Variants in ATG16L1 observed in about 807,000 individuals in gnomAD.
The protein encoded by ATG16L1 is autophagy-related protein 16-1.
In ATG16L1, 37 loss-of-function variants were observed where a neutral mutation model predicts 88.5. The ratio of observed to expected loss-of-function variants is 0.42; its 90% CI spans 0.32 to 0.55. The LOEUF is 0.55. ATG16L1 is among the 20% of genes least tolerant of loss of function. The probability of loss-of-function intolerance (pLI) is 0.13; values close to 1 mark genes in which losing one functional copy is unlikely to be tolerated. For synonymous variants in ATG16L1, 301 were observed against 281.0 expected (o/e 1.07, Z -0.71); for missense variants, 554 against 752.8 (o/e 0.74, Z 3.09).
intron 14 of ATG16L1, 97 bp from the exon 15 acceptor site, chr2:233,292,031 A>C: frequency 7.1e-7 from 1 of 1,418,432 alleles, no homozygotes; most frequent in Non-Finnish European, 9.6e-7. Context: ...AGAGCGTTGC[A>C]TGCTAGTTGA....
chr2:233,292,715 C>T (rs113223847), intron 16 of ATG16L1, among the ~76,000 whole-genome samples: 7 of 152,364 alleles, frequency 4.6e-5, no homozygotes, highest in South Asian at 4.1e-4. Flanking sequence ...CACTCATTCA[C>T]GCAAGAGCTG....
chr2:233,292,005 C>T, intron 14 of ATG16L1, 123 bp from the exon 15 acceptor site: 1 of 1,149,746 alleles, frequency 8.7e-7, no homozygotes, highest in East Asian at 2.4e-5. Context: ...ACTGGGAACA[C>T]ATTGACTGCG....
intron 14 of ATG16L1, among the ~76,000 whole-genome samples, chr2:233,290,815 G>A (rs6754677): frequency 0.53 from 81,091 of 151,958 alleles, 22,412 homozygotes; most frequent in Non-Finnish European, 0.63. Context: ...TGGCAAGTGA[G>A]CAGGAAACAG....
chr2:233,256,156 A>G lies in ATG16L1; in HGVS notation c.170A>G (p.Gln57Arg), dbSNP rs1349525910. Residue 57 changes from glutamine to arginine, a missense_variant, in exon 2 of 18, where the codon CAG becomes CGG. Around this residue, in one of 5 missense-constraint regions of ATG16L1, gnomAD observed 101 missense variants for 107.0 expected, o/e 0.94. Transcript: ENST00000392017. ...CATTCAGTGTTGGCCCAGAAACTAC[A>G]GGCTGAAAAGCATGACGTACCAAAC... ...DLHSVLAQKL[Q>R]AEKHDVPNRH... 3 of 1,614,076 alleles carry G rather than the reference A, an allele frequency of 1.9e-6. No individual in the cohort carries two copies. The highest frequency in any genetic ancestry group is 3.3e-4 in the Middle Eastern group (2 of 6,078).
At chr2:233,264,688 C>T (rs923666304) in intron 4 of ATG16L1, among the ~76,000 whole-genome samples, 1 of 152,190 alleles carries the variant, frequency 6.6e-6, no homozygotes, top group Non-Finnish European at 1.5e-5. Context: ...TCTTCCTTCA[C>T]ATCGTGTTTT....
chr2:233,255,621 A>T (rs540532142), intron 1 of ATG16L1, among the ~76,000 whole-genome samples: 1 of 152,172 alleles, frequency 6.6e-6, no homozygotes, highest in Non-Finnish European at 1.5e-5. Flanking sequence ...TTCCTTCTGC[A>T]TGGCCCATCA....
At chr2:233,265,331 A>T (rs532869352) in intron 5 of ATG16L1, among the ~76,000 whole-genome samples, 188 bp downstream of exon 5, 1 of 152,260 alleles carries the variant, frequency 6.6e-6, no homozygotes, top group East Asian at 1.9e-4. Context: ...GAAATACACC[A>T]CAATTAGAAT....
intron 5 of ATG16L1, among the ~76,000 whole-genome samples, chr2:233,267,107 G>A (rs1234118353): frequency 6.6e-6 from 1 of 152,214 alleles, no homozygotes; most frequent in African/African-American, 2.4e-5. Context: ...CTAGCACTTT[G>A]GGAGGCCAAG....
chr2:233,292,472 ACAAAGAGT>A (rs1199639971), intron 16 of ATG16L1, 38 bp downstream of exon 16: 1 of 1,611,608 alleles, frequency 6.2e-7, no homozygotes, highest in Non-Finnish European at 8.5e-7. Context: ...TTGGTTCATC[ACAAAGAGT>A]CCTGCATGGG....
At position 233,273,044 on chromosome 2, in the gene ATG16L1, A is replaced by G; in HGVS notation, c.786A>G (p.Arg262=). The part of the protein sequence containing the change: ...EETSPVRAIS[R]AATKRLSQPA... ...CCTCTCCTGTGCGAGCCATCAGCAG[A>G]GCAGCCACGTAAGTAGGCAGGTTTG... The change falls in exon 7 of 18, where the codon AGA becomes AGG. Residue 262 remains arginine, a synonymous_variant. Coordinates refer to ENST00000392017, the MANE Select transcript of ATG16L1 (RefSeq NM_030803.7). 6.2e-7 allele frequency: 1 copy of G among 1,614,090 alleles called. No individual in the cohort carries two copies. Among genetic ancestry groups the G allele is most frequent in the Non-Finnish European group, 8.5e-7 (1 of 1,179,920 alleles).
At chr2:233,273,507 A>G in intron 7 of ATG16L1, 1 of 554,100 alleles carries the variant, frequency 1.8e-6, no homozygotes. Context: ...AATACTAGGG[A>G]ACCTTGTTTC....
chr2:233,265,466 G>A (rs1166288086), intron 5 of ATG16L1, among the ~76,000 whole-genome samples: 1 of 152,084 alleles, frequency 6.6e-6, no homozygotes, highest in Non-Finnish European at 1.5e-5. Context: ...CAGACTCATT[G>A]ATAGATTTTT....
chr2:233,288,142 G>C (rs1247037546), intron 12 of ATG16L1, among the ~76,000 whole-genome samples: 1 of 152,186 alleles, frequency 6.6e-6, no homozygotes, highest in Non-Finnish European at 1.5e-5. Flanking sequence ...GGATAAGGCA[G>C]TCTGAGAACT....
intron 11 of ATG16L1, 25 bp downstream of exon 11, chr2:233,281,200 T>C (rs1165340243): frequency 8.0e-6 from 12 of 1,497,196 alleles, no homozygotes; most frequent in African/African-American, 2.8e-5. Flanking sequence ...GCTATGATTT[T>C]AAAGGTTTTT....
chr2:233,265,421 A>G (rs529172747), intron 5 of ATG16L1, among the ~76,000 whole-genome samples: 2 of 152,350 alleles, frequency 1.3e-5, no homozygotes, highest in South Asian at 4.1e-4. Context: ...ACTATAATCC[A>G]ACCTTATATG....
chr2:233,256,262 C>G, intron 2 of ATG16L1, 67 bp downstream of exon 2: 1 of 1,335,862 alleles, frequency 7.5e-7, no homozygotes, highest in Non-Finnish European at 1.1e-6. Flanking sequence ...TCAGTTGTCA[C>G]TTCTCTAATT....
At chr2:233,286,876 C>T (rs922011170) in intron 12 of ATG16L1, among the ~76,000 whole-genome samples, 1 of 151,808 alleles carries the variant, frequency 6.6e-6, no homozygotes, top group African/African-American at 2.4e-5. Flanking sequence ...CCGCTCACCT[C>T]GGCCTCCCAA....
At position 233,274,797 on chromosome 2, in the gene ATG16L1, C is replaced by A; in HGVS notation, c.954+19C>A. The A allele has an allele frequency of 6.4e-7, 1 of 1,572,342 alleles. No individual in the cohort carries two copies. The highest frequency in any genetic ancestry group is 8.8e-7 in the Non-Finnish European group (1 of 1,142,824). Reference sequence around the variant, plus strand: ...TGTCTTCGTAAGTATGCTTCAGCCCCGAACCCTACCACGCTTGATATGGTG... The same window carrying A: ...TGTCTTCGTAAGTATGCTTCAGCCCAGAACCCTACCACGCTTGATATGGTG... On this transcript the variant is annotated intron_variant, in intron 9 of 17. Transcript: ENST00000392017.
In ATG16L1 at chr2:233,294,287, C is replaced by T. The variant is rs1242896222; in HGVS notation, c.1761C>T (p.Pro587=). 6.2e-7 allele frequency: 1 copy of T among 1,610,616 alleles called. No individual in the cohort carries two copies. The highest frequency in any genetic ancestry group is 8.5e-7 in the Non-Finnish European group (1 of 1,178,522). ...CCATCAATGCGGTGGCGTGGTCGCC[C>T]TCTGGCTCGCACGTTGTCAGTGTGG... The part of the protein sequence containing the change: ...SSSINAVAWS[P]SGSHVVSVDK... The change falls in exon 18 of 18, where the codon CCC becomes CCT. Residue 587 remains proline, a synonymous_variant. Transcript: ENST00000392017.
Sources: gnomAD v4.1 joint callset for allele counts (sites outside exome capture counted in the v4.1 genomes callset) on GRCh38, gnomAD v4.1.1 for gene constraint, gnomAD v4.1.1 regional missense constraint, MANE v1.5 for transcripts, NCBI Gene and HGNC (gene_info 2026-07-23, HGNC 2026-07-21) for gene names.